Variants in PFKFB3 observed in about 807,000 individuals in gnomAD.
PFKFB3 encodes 6-phosphofructo-2-kinase/fructose-2,6-bisphosphatase 3.
Under a neutral mutation model 68.0 loss-of-function variants are expected in PFKFB3, and 33 were observed. That is an observed-to-expected ratio of 0.49 (90% CI 0.37 to 0.65). The LOEUF is 0.65. Among genes scored for constraint, PFKFB3 ranks in the 30% least tolerant of loss-of-function variants. PFKFB3 has a pLI of 0.00. For missense variants in PFKFB3, 586 were observed against 712.2 expected (o/e 0.82, Z 2.02); for synonymous variants, 315 against 288.2 (o/e 1.09, Z -0.94).
At chr10:6,319,197 A>C in the PFKFB3 span, among the ~76,000 whole-genome samples, 2 of 152,360 alleles carry the variant, frequency 1.3e-5, no homozygotes, top group Admixed American at 6.5e-5. Flanking sequence ...TCTATAAAAG[A>C]GATACCTGCA....
rs147888290 is a variant in PFKFB3 at position 6,152,133 on chromosome 10, T to C, written c.16+7120T>C. 3.1e-3 allele frequency: 479 copies of C among 154,748 alleles called. 3 individuals carry two copies. Among genetic ancestry groups the C allele is most frequent in the African/African-American group, 0.011 (461 of 41,598 alleles). The allele number at this position is 154,748 out of a possible 1,614,324, so 9.6% of individuals were successfully genotyped here. ...ATTTCATTAAGAAAGATTCTGGTCT[T>C]ATTCCAGTAAATTGATTTCAAGGCC... On this transcript the variant is annotated intron_variant, in intron 1 of 14. Transcript: ENST00000379789.
At chr10:6,247,536 C>A (rs561639798) in intron 14 of PFKFB3, among the ~76,000 whole-genome samples, 10 of 152,370 alleles carry the variant, frequency 6.6e-5, no homozygotes, top group African/African-American at 2.2e-4. Context: ...GAGTTCAGCT[C>A]TCCCTTCATT....
the PFKFB3 span, among the ~76,000 whole-genome samples, chr10:6,305,992 T>G: frequency 6.6e-6 from 1 of 152,144 alleles, no homozygotes; most frequent in Admixed American, 6.5e-5. Flanking sequence ...TCCTTTATTT[T>G]TTTGTTATTT....
chr10:6,218,413 T>G (rs146173266), intron 6 of PFKFB3, among the ~76,000 whole-genome samples: 4 of 2,076 alleles, frequency 1.9e-3, no homozygotes, highest in African/African-American at 2.2e-3. Flanking sequence ...ATTTTTATTA[T>G]TTATTTATTT....
the PFKFB3 span, among the ~76,000 whole-genome samples, chr10:6,305,308 G>A: frequency 6.9e-6 from 1 of 144,586 alleles, no homozygotes; most frequent in Non-Finnish European, 1.5e-5. Context: ...ACAGGCATAA[G>A]CCACCATCTC....
intron 1 of PFKFB3, among the ~76,000 whole-genome samples, chr10:6,153,114 T>C (rs1160432523): frequency 6.6e-6 from 1 of 150,540 alleles, no homozygotes; most frequent in Non-Finnish European, 1.5e-5. Context: ...CTGGAAGGCA[T>C]TGAGCCAAGA....
the PFKFB3 span, among the ~76,000 whole-genome samples, chr10:6,323,107 G>A: frequency 6.6e-6 from 1 of 152,146 alleles, no homozygotes; most frequent in African/African-American, 2.4e-5. Context: ...CCTCACACAG[G>A]ATATGCTCAG....
chr10:6,286,795 G>GA, the PFKFB3 span, among the ~76,000 whole-genome samples: 1 of 152,046 alleles, frequency 6.6e-6, no homozygotes, highest in African/African-American at 2.4e-5. Flanking sequence ...CATTGTCCTT[G>GA]CTGTTGTTTT....
downstream of PFKFB3, among the ~76,000 whole-genome samples, chr10:6,257,623 T>C (rs573223162): frequency 3.2e-4 from 49 of 152,206 alleles, no homozygotes; most frequent in African/African-American, 1.2e-3. Flanking sequence ...AGTCCACTAA[T>C]AGGAGGTTGG....
At chr10:6,300,910 A>G in the PFKFB3 span, among the ~76,000 whole-genome samples, 1 of 152,220 alleles carries the variant, frequency 6.6e-6, no homozygotes, top group African/African-American at 2.4e-5. Flanking sequence ...GAAAGGAGAC[A>G]GGAAGCTGTG....
intron 1 of PFKFB3, among the ~76,000 whole-genome samples, chr10:6,181,510 A>G (rs1842712281): frequency 6.6e-6 from 1 of 152,248 alleles, no homozygotes; most frequent in African/African-American, 2.4e-5. Flanking sequence ...TCTGAGTGAA[A>G]TAAGCGAGAC....
chr10:6,303,813 A>AG, the PFKFB3 span, among the ~76,000 whole-genome samples: 72 of 151,846 alleles, frequency 4.7e-4, no homozygotes, highest in East Asian at 0.012. Flanking sequence ...AAAAAAAAAA[A>AG]AAGAAAATGG....
At chr10:6,264,565 G>A in the PFKFB3 span, among the ~76,000 whole-genome samples, 1 of 151,948 alleles carries the variant, frequency 6.6e-6, no homozygotes, top group South Asian at 2.1e-4. Context: ...TTTATTCTTA[G>A]GTATTTGATT....
At chr10:6,317,444 AAGGGTGT>A in the PFKFB3 span, among the ~76,000 whole-genome samples, 1 of 152,222 alleles carries the variant, frequency 6.6e-6, no homozygotes, top group Admixed American at 6.5e-5. Context: ...GATGACTGAA[AAGGGTGT>A]AGGCAATTTT....
chr10:6,246,295 C>T (rs2132077858), intron 14 of PFKFB3, among the ~76,000 whole-genome samples: 1 of 151,710 alleles, frequency 6.6e-6, no homozygotes, highest in African/African-American at 2.4e-5. Flanking sequence ...TTATTTTTTT[C>T]TTGATGTACA....
intron 1 of PFKFB3, among the ~76,000 whole-genome samples, chr10:6,166,660 C>T (rs1486283288): frequency 1.3e-5 from 2 of 152,116 alleles, no homozygotes; most frequent in African/African-American, 4.8e-5. Context: ...CACCGCAAGT[C>T]GGATCTTGAG....
intron 1 of PFKFB3, among the ~76,000 whole-genome samples, chr10:6,148,453 T>C (rs1322283765): frequency 6.6e-6 from 1 of 152,206 alleles, no homozygotes; most frequent in Non-Finnish European, 1.5e-5. Context: ...AGCGTGAGGC[T>C]GGAGCAGCAG....
chr10:6,173,344 C>T (rs1842366519), intron 1 of PFKFB3, among the ~76,000 whole-genome samples: 1 of 152,150 alleles, frequency 6.6e-6, no homozygotes, highest in Non-Finnish European at 1.5e-5. Context: ...GTGCTTTCAG[C>T]CTGGAGGGGG....
At chr10:6,188,934 A>G (rs547853594) in intron 1 of PFKFB3, among the ~76,000 whole-genome samples, 1 of 144,406 alleles carries the variant, frequency 6.9e-6, no homozygotes, top group African/African-American at 2.6e-5. Flanking sequence ...TCCCAGGTTC[A>G]CGCCATTCTC....
Sources: allele counts gnomAD v4.1 joint callset (sites outside exome capture counted in the v4.1 genomes callset), GRCh38; gene constraint gnomAD v4.1.1; transcripts MANE v1.5; gene names NCBI Gene and HGNC (gene_info 2026-07-23, HGNC 2026-07-21).